Variants in GTF2H4 observed in about 807,000 individuals in gnomAD.
The protein encoded by GTF2H4 is general transcription factor IIH subunit 4, also known as BTF2 p52.
In GTF2H4, 49 loss-of-function variants were observed where a neutral mutation model predicts 62.2. That is an observed-to-expected ratio of 0.79 (90% CI 0.63 to 1.00). The LOEUF is 1.00. GTF2H4 is among the 50% of genes least tolerant of loss of function. GTF2H4 has a pLI of 0.00. For synonymous variants in GTF2H4, 189 were observed against 233.8 expected, an observed-to-expected ratio of 0.81 and a Z score of 1.75; for missense variants, 479 against 587.8, an observed-to-expected ratio of 0.81 and a Z score of 1.91.
rs934429999 is a variant in GTF2H4 at position 30,913,490 on chromosome 6, T to C, written c.1216+103T>C. The stretch of plus-strand genomic sequence containing the variant: ...ACTTCATGGACTAGGAGAGAAAAGC[T>C]GGCAAGACAGTTTTTTGTTGTTTTG... On this transcript the variant is annotated intron_variant, in intron 13 of 13. Coordinates refer to ENST00000259895, the MANE Select transcript of GTF2H4 (RefSeq NM_001517.5). The surrounding 1 kb of genome is among the most constrained non-coding windows in gnomAD (Gnocchi z 4.2). 1.5e-6 allele frequency: 2 copies of C among 1,338,328 alleles called. No individual in the cohort carries two copies. The highest frequency in any genetic ancestry group is 1.5e-5 in the African/African-American group (1 of 68,230). 82.9% of individuals were successfully genotyped at this position (1,338,328 alleles called of 1,614,324 possible).
intron 1 of GTF2H4, 37 bp downstream of exon 1, chr6:30,908,440 T>TGA (rs779229286): frequency 5.0e-5 from 8 of 161,356 alleles, no homozygotes; most frequent in Admixed American, 2.9e-4. Context: ...GGCAGAGGTA[T>TGA]GAGAGAGAGA....
chr6:30,912,660 G>C lies in GTF2H4; in HGVS notation c.1089+202G>C, dbSNP rs184010668. 6.6e-6 allele frequency among the ~76,000 whole-genome samples: 1 copy of C among 152,234 alleles called. No homozygotes were observed. The highest frequency in any genetic ancestry group is 6.5e-5 in the Admixed American group (1 of 15,298). On this transcript the variant is annotated intron_variant, in intron 11 of 13. Coordinates refer to ENST00000259895, the MANE Select transcript of GTF2H4 (RefSeq NM_001517.5). The surrounding 1 kb of genome is among the most constrained non-coding windows in gnomAD (Gnocchi z 4.8). ...AAAAAACATGGAGGGAGGAGGTATA[G>C]ATCTGGATTTGTGCCTCGGCACTGC...
chr6:30,911,275 G>A lies in GTF2H4; in HGVS notation c.672+6G>A, dbSNP rs757923541. On this transcript the variant is annotated splice_donor_region_variant and intron_variant, in intron 7 of 13. Transcript: ENST00000259895. This position sits in a 1 kb window ranked among gnomAD's most constrained non-coding sequence, Gnocchi z 4.3. Reference sequence around the variant, plus strand: ...AGTATTTGCAGACAGCCCAGGTGAGGAGGCAGGGCCACTTAACCAGCATGC... The same window carrying A: ...AGTATTTGCAGACAGCCCAGGTGAGAAGGCAGGGCCACTTAACCAGCATGC... The A allele has an allele frequency of 6.2e-7, 1 of 1,605,392 alleles. No individual in the cohort carries two copies. The highest frequency in any genetic ancestry group is 8.5e-7 in the Non-Finnish European group (1 of 1,173,000).
chr6:30,912,281 CTGGGTG>C lies in GTF2H4; in HGVS notation c.959-42_959-37del. On this transcript the variant is annotated intron_variant, in intron 10 of 13. Coordinates refer to ENST00000259895, the MANE Select transcript of GTF2H4 (RefSeq NM_001517.5). This position sits in a 1 kb window ranked among gnomAD's most constrained non-coding sequence, Gnocchi z 4.8. Reference sequence around the variant, plus strand: ...ACTTGAAAGAAGGGCTTGAGGGAGTCTGGGTGTGGGGGTGGCCTCCTCATCCTCTTT... The same window carrying C: ...ACTTGAAAGAAGGGCTTGAGGGAGTCTGGGGGTGGCCTCCTCATCCTCTTT... 1.9e-6 allele frequency: 3 copies of C among 1,609,376 alleles called. No individual in the cohort carries two copies. Among genetic ancestry groups the C allele is most frequent in the Non-Finnish European group, 1.7e-6 (2 of 1,177,836 alleles).
rs1330232504 is a variant in GTF2H4, at chr6:30,910,381, G to A, written c.375-284G>A. 2.0e-5 allele frequency among the ~76,000 whole-genome samples: 3 copies of A among 152,116 alleles called. No homozygotes were observed. Among genetic ancestry groups the A allele is most frequent in the Non-Finnish European group, 2.9e-5 (2 of 68,022 alleles). Reference sequence around the variant, plus strand: ...GTCTCACTCTGTCACCAAGGCCAGAGTGCAGTGGTGTAATCTTGACTCACG... The same window carrying A: ...GTCTCACTCTGTCACCAAGGCCAGAATGCAGTGGTGTAATCTTGACTCACG... On this transcript the variant is annotated intron_variant, in intron 4 of 13. Transcript: ENST00000259895. The surrounding 1 kb of genome is among the most constrained non-coding windows in gnomAD (Gnocchi z 4.7).
At position 30,910,134 on chromosome 6, in the gene GTF2H4, T is replaced by G; in HGVS notation, c.374+71T>G. ...GCTTATTAAACCACTAATTAAACTT[T>G]GGGAGGGGGAGCTCCTGGGGGCCTC... On this transcript the variant is annotated intron_variant, in intron 4 of 13. Transcript: ENST00000259895. The surrounding 1 kb of genome is among the most constrained non-coding windows in gnomAD (Gnocchi z 4.7). 6.4e-7 allele frequency: 1 copy of G among 1,553,220 alleles called. No individual in the cohort carries two copies. The highest frequency in any genetic ancestry group is 8.8e-7 in the Non-Finnish European group (1 of 1,140,796).
At position 30,911,896 on chromosome 6, in the gene GTF2H4, C is replaced by A. The variant is rs556452193; in HGVS notation, c.826-118C>A. 12 of 1,437,598 alleles carry A rather than the reference C, an allele frequency of 8.3e-6. No individual in the cohort carries two copies. The African/African-American group carries it at 9.9e-5, about 12-fold the overall frequency. The allele number at this position is 1,437,598 out of a possible 1,614,324, so 89.1% of individuals were successfully genotyped here. A position where few individuals can be genotyped will look rare whatever the true frequency, so the allele number is the denominator to read the frequency against. ...GCCAGAACTGAATACTTGGGTCTCTCGGGGGAGAGAAGTTGGGGGTTGAGG... is the reference window on the plus strand; with the variant it reads ...GCCAGAACTGAATACTTGGGTCTCTAGGGGGAGAGAAGTTGGGGGTTGAGG... On this transcript the variant is annotated intron_variant, in intron 9 of 13. Coordinates refer to ENST00000259895, the MANE Select transcript of GTF2H4 (RefSeq NM_001517.5). The surrounding 1 kb of genome is among the most constrained non-coding windows in gnomAD (Gnocchi z 4.3).
In GTF2H4 at chr6:30,912,258, T is replaced by C. The variant is rs1228722310; in HGVS notation, c.959-70T>C. On this transcript the variant is annotated intron_variant, in intron 10 of 13. Transcript: ENST00000259895. The surrounding 1 kb of genome is among the most constrained non-coding windows in gnomAD (Gnocchi z 4.8). Reference sequence around the variant, plus strand: ...AGCTCTCTGACATTTCTCATGACACTTGAAAGAAGGGCTTGAGGGAGTCTG... The same window carrying C: ...AGCTCTCTGACATTTCTCATGACACCTGAAAGAAGGGCTTGAGGGAGTCTG... 1 of 1,603,164 alleles carries C rather than the reference T, an allele frequency of 6.2e-7. No individual in the cohort carries two copies. Among genetic ancestry groups the C allele is most frequent in the Non-Finnish European group, 8.5e-7 (1 of 1,173,738 alleles).
At position 30,909,068 on chromosome 6, in the gene GTF2H4, G is replaced by A. The variant is rs750545208; in HGVS notation, c.32G>A (p.Arg11Gln). 30 of 1,614,054 alleles carry A rather than the reference G, an allele frequency of 1.9e-5. No individual in the cohort carries two copies. Among genetic ancestry groups the A allele is most frequent in the East Asian group, 4.5e-5 (2 of 44,896 alleles). MESTPSRGLN[R>Q]VHLQCRNLQE... ...AGCACCCCTTCAAGGGGACTGAACC[G>A]AGTACACCTACAATGCAGGAATCTG... is the stretch of plus-strand genomic sequence containing the variant. The change falls in exon 2 of 14, where the codon CGA becomes CAA. Residue 11 changes from arginine (R) to glutamine (Q), a missense_variant. Physicochemically the swap from Arg to Gln is conservative, Grantham distance 43. Coordinates refer to ENST00000259895, the MANE Select transcript of GTF2H4 (RefSeq NM_001517.5). This position sits in a 1 kb window ranked among gnomAD's most constrained non-coding sequence, Gnocchi z 4.3.
rs1415601008 is a variant in GTF2H4, at chr6:30,909,986, G to C, written c.297G>C (p.Gln99His). ...GCGGCCTCCGGATCTGGCACACACA[G>C]CTGCTCCCAGGCGGGCTCCAGGGCC... The part of the protein sequence containing the change: ...LLSGLRIWHT[Q>H]LLPGGLQGLI... The change falls in exon 4 of 14, where the codon CAG (glutamine) becomes CAC (histidine). Residue 99 changes from glutamine (Q) to histidine (H), a missense_variant. By Grantham distance (24) the Gln-to-His change is conservative (BLOSUM62 0). Coordinates refer to ENST00000259895, the MANE Select transcript of GTF2H4 (RefSeq NM_001517.5). The surrounding 1 kb of genome is among the most constrained non-coding windows in gnomAD (Gnocchi z 4.3). 1 of 1,612,892 alleles carries C rather than the reference G, an allele frequency of 6.2e-7. No individual in the cohort carries two copies. The highest frequency in any genetic ancestry group is 1.3e-5 in the African/African-American group (1 of 74,918).
chr6:30,911,522 T>C lies in GTF2H4; in HGVS notation c.741+23T>C. The C allele has an allele frequency of 6.2e-7, 1 of 1,601,546 alleles. No homozygotes were observed. Among genetic ancestry groups the C allele is most frequent in the Non-Finnish European group, 8.6e-7 (1 of 1,169,586 alleles). On this transcript the variant is annotated intron_variant, in intron 8 of 13. Transcript: ENST00000259895. This position sits in a 1 kb window ranked among gnomAD's most constrained non-coding sequence, Gnocchi z 4.3. Reference sequence around the variant, plus strand: ...AAGGTAAGCAGGGGGCTGAAAGGTATAGAGATGGGAAGGGGAAAGCAAGTT... The same window carrying C: ...AAGGTAAGCAGGGGGCTGAAAGGTACAGAGATGGGAAGGGGAAAGCAAGTT...
rs756730444 is a variant in GTF2H4, at chr6:30,911,487, T to C, written c.729T>C (p.Ser243=). 3.1e-6 allele frequency: 5 copies of C among 1,613,930 alleles called. No individual in the cohort carries two copies. The highest frequency in any genetic ancestry group is 4.2e-6 in the Non-Finnish European group (5 of 1,179,826). The change falls in exon 8 of 14, where the codon TCT becomes TCC. Residue 243 remains serine, a synonymous_variant. Coordinates refer to ENST00000259895, the MANE Select transcript of GTF2H4 (RefSeq NM_001517.5). The surrounding 1 kb of genome is among the most constrained non-coding windows in gnomAD (Gnocchi z 4.3). Reference sequence around the variant, plus strand: ...CCTTCCTCTTCCAGCTCAGCTTCTCTACTCTGGGCAAGGTAAGCAGGGGGC... The same window carrying C: ...CCTTCCTCTTCCAGCTCAGCTTCTCCACTCTGGGCAAGGTAAGCAGGGGGC... ...ILSFLFQLSF[S]TLGKDYSVEG... is the part of the protein sequence containing the mutation.
Position 30,914,026 on chromosome 6 carries a change from C to CGGGGGGGACGGGGG in GTF2H4, c.*47_*48insGGGACGGGGGGGGG. Reference sequence around the variant, plus strand: ...ACGGACCTCGGCGGGCGGGACTGGGCGGGGCGGGGCATCAGAACTCAGGTG... The same window carrying CGGGGGGGACGGGGG: ...ACGGACCTCGGCGGGCGGGACTGGGCGGGGGGGACGGGGGGGGGCGGGGCATCAGAACTCAGGTG... On this transcript the variant is annotated 3_prime_UTR_variant, in exon 14 of 14. Transcript: ENST00000259895. 1.6e-6 allele frequency: 1 copy of CGGGGGGGACGGGGG among 608,068 alleles called. No homozygotes were observed. The highest frequency in any genetic ancestry group is 2.8e-6 in the Non-Finnish European group (1 of 355,884). 37.7% of individuals were successfully genotyped at this position (608,068 alleles called of 1,614,324 possible).
In GTF2H4 at chr6:30,913,754, C is replaced by T; in HGVS notation, c.1217-57C>T. ...GAGCTGGGGGGATTCCCAATAGGAG[C>T]TCCGAGCTTCACTTTCTCGTCTTCT... is the stretch of plus-strand genomic sequence containing the variant. On this transcript the variant is annotated intron_variant, in intron 13 of 13. Transcript: ENST00000259895. The surrounding 1 kb of genome is among the most constrained non-coding windows in gnomAD (Gnocchi z 4.2). The T allele has an allele frequency of 2.1e-6, 3 of 1,452,208 alleles. No individual in the cohort carries two copies. The highest frequency in any genetic ancestry group is 2.8e-5 in the South Asian group (2 of 71,212). The allele number at this position is 1,452,208 out of a possible 1,614,324, so 90.0% of individuals were successfully genotyped here. A position where few individuals can be genotyped will look rare whatever the true frequency, so the allele number is the denominator to read the frequency against.
chr6:30,913,749 A>C lies in GTF2H4; in HGVS notation c.1217-62A>C. ...CCAAGGAGCTGGGGGGATTCCCAAT[A>C]GGAGCTCCGAGCTTCACTTTCTCGT... On this transcript the variant is annotated intron_variant, in intron 13 of 13. Transcript: ENST00000259895. The surrounding 1 kb of genome is among the most constrained non-coding windows in gnomAD (Gnocchi z 4.2). 4.2e-6 allele frequency: 6 copies of C among 1,427,008 alleles called. No individual in the cohort carries two copies. Among genetic ancestry groups the C allele is most frequent in the Non-Finnish European group, 5.6e-6 (6 of 1,068,432 alleles). 88.4% of individuals were successfully genotyped at this position (1,427,008 alleles called of 1,614,324 possible). A position where few individuals can be genotyped will look rare whatever the true frequency, so the allele number is the denominator to read the frequency against.
At position 30,909,892 on chromosome 6, in the gene GTF2H4, T is replaced by C. The variant is rs753502320; in HGVS notation, c.243-40T>C. ...GTGGCTTTTATGGGCCTCCTTTTTGTTTTCCAAATACCCTACTCACCTCTC... is the reference window on the plus strand; with the variant it reads ...GTGGCTTTTATGGGCCTCCTTTTTGCTTTCCAAATACCCTACTCACCTCTC... On this transcript the variant is annotated intron_variant, in intron 3 of 13. Transcript: ENST00000259895. The surrounding 1 kb of genome is among the most constrained non-coding windows in gnomAD (Gnocchi z 4.3). 2 of 1,578,452 alleles carry C rather than the reference T, an allele frequency of 1.3e-6. No homozygotes were observed. The highest frequency in any genetic ancestry group is 1.7e-6 in the Non-Finnish European group (2 of 1,164,562).
In GTF2H4 at chr6:30,909,208, G is replaced by A; in HGVS notation, c.137+35G>A. On this transcript the variant is annotated intron_variant, in intron 2 of 13. Transcript: ENST00000259895. This position sits in a 1 kb window ranked among gnomAD's most constrained non-coding sequence, Gnocchi z 4.3. ...CCCTTCATGGCAGGGAAATGTAATG[G>A]GGTCTGCGGAGTGGAATAAAATATC... 6.3e-7 allele frequency: 1 copy of A among 1,595,590 alleles called. No homozygotes were observed. Among genetic ancestry groups the A allele is most frequent in the South Asian group, 1.1e-5 (1 of 89,532 alleles).
At position 30,909,130 on chromosome 6, in the gene GTF2H4, G is replaced by C; in HGVS notation, c.94G>C (p.Asp32His). 6.2e-7 allele frequency: 1 copy of C among 1,614,130 alleles called. No individual in the cohort carries two copies. The highest frequency in any genetic ancestry group is 8.5e-7 in the Non-Finnish European group (1 of 1,180,004). ...FLGGLSPGVLDRLYGHPATCL... is the reference protein window; with the variant it reads ...FLGGLSPGVLHRLYGHPATCL... ...AGGGGGCCTGAGCCCTGGGGTATTG[G>C]ACCGATTGTATGGGCACCCTGCCAC... The change falls in exon 2 of 14, where the codon GAC becomes CAC. Residue 32 changes from aspartate (D) to histidine (H), a missense_variant. Transcript: ENST00000259895. This position sits in a 1 kb window ranked among gnomAD's most constrained non-coding sequence, Gnocchi z 4.3.
chr6:30,911,566 CTGAGAAGAT>C lies in GTF2H4; in HGVS notation c.741+68_741+76del. ...GCAAGTTGTGGGGCAGTAGAGTAGACTGAGAAGATAAGAATGAAAACAGAACGAACAGAG... is the reference window on the plus strand; with the variant it reads ...GCAAGTTGTGGGGCAGTAGAGTAGACAAGAATGAAAACAGAACGAACAGAG... On this transcript the variant is annotated intron_variant, in intron 8 of 13. Coordinates refer to ENST00000259895, the MANE Select transcript of GTF2H4 (RefSeq NM_001517.5). This position sits in a 1 kb window ranked among gnomAD's most constrained non-coding sequence, Gnocchi z 4.3. 6.9e-7 allele frequency: 1 copy of C among 1,448,372 alleles called. No individual in the cohort carries two copies. The highest frequency in any genetic ancestry group is 9.7e-7 in the Non-Finnish European group (1 of 1,033,772). 89.7% of individuals were successfully genotyped at this position (1,448,372 alleles called of 1,614,324 possible). A position where few individuals can be genotyped will look rare whatever the true frequency, so the allele number is the denominator to read the frequency against.
Sources: gnomAD v4.1 joint callset for allele counts (sites outside exome capture counted in the v4.1 genomes callset) on GRCh38, gnomAD v4.1.1 for gene constraint, Gnocchi (gnomAD v3.1) non-coding constraint, MANE v1.5 for transcripts, NCBI Gene and HGNC (gene_info 2026-07-23, HGNC 2026-07-21) for gene names.